ENTPD5: variants seen among roughly 807,000 people sequenced by gnomAD.
ENTPD5 encodes ectonucleoside triphosphate diphosphohydrolase 5 (inactive).
Under a neutral mutation model 60.2 loss-of-function variants are expected in ENTPD5, and 49 were observed. The ratio of observed to expected loss-of-function variants is 0.81; its 90% confidence interval spans 0.65 to 1.03. ENTPD5 has a LOEUF of 1.03. Among genes scored for constraint, ENTPD5 ranks in the 50% least tolerant of loss-of-function variants. ENTPD5 has a pLI of 0.00. For missense variants in ENTPD5, 480 were observed against 507.6 expected, an observed-to-expected ratio of 0.95 and a Z score of 0.52; for synonymous variants, 187 against 185.4, an observed-to-expected ratio of 1.01 and a Z score of -0.07.
downstream of ENTPD5, chr14:73,958,126 C>A: frequency 6.2e-7 from 1 of 1,607,460 alleles, no homozygotes; most frequent in South Asian, 1.1e-5. Flanking sequence ...AATTTTTTTT[C>A]CTCTCTTTTG....
At chr14:73,991,519 C>A (rs1010884007) in intron 3 of ENTPD5, among the ~76,000 whole-genome samples, 2 of 139,388 alleles carry the variant, frequency 1.4e-5, no homozygotes, top group South Asian at 5.0e-4. Context: ...ACCCGGGAGG[C>A]GGAGGCTGCA....
In ENTPD5 at chr14:73,976,431, C is replaced by G. The variant is rs1420345733; in HGVS notation, c.554-19G>C. On this transcript the variant is annotated intron_variant, in intron 8 of 15. Coordinates refer to ENST00000334696, the MANE Select transcript of ENTPD5 (RefSeq NM_001249.5). ...AGCTGACCTGTCAAATGAGAGCCAG[C>G]TCTAAATAGCCTCGACATCCTGGGC... is the stretch of plus-strand genomic sequence containing the variant. 1 of 1,605,548 alleles carries G rather than the reference C, an allele frequency of 6.2e-7. No individual in the cohort carries two copies. The highest frequency in any genetic ancestry group is 1.7e-5 in the Admixed American group (1 of 59,976).
intron 6 of ENTPD5, among the ~76,000 whole-genome samples, chr14:73,979,317 C>T (rs1238390860): frequency 6.6e-6 from 1 of 151,892 alleles, no homozygotes; most frequent in East Asian, 1.9e-4. Context: ...ACCTGCAGAA[C>T]CTAACATAAC....
At position 73,986,821 on chromosome 14, in the gene ENTPD5, G is replaced by C; in HGVS notation, c.290C>G (p.Pro97Arg). The C allele has an allele frequency of 6.2e-7, 1 of 1,612,896 alleles. No homozygotes were observed. Among genetic ancestry groups the C allele is most frequent in the South Asian group, 1.1e-5 (1 of 91,064 alleles). Residue 97 changes from proline (P) to arginine (R), a missense_variant, in exon 5 of 16, where the codon CCT becomes CGT. Physicochemically the swap from Pro to Arg is moderately radical, Grantham distance 103. Coordinates refer to ENST00000334696, the MANE Select transcript of ENTPD5 (RefSeq NM_001249.5). The stretch of plus-strand genomic sequence containing the variant: ...AAATCATAAGAAACTCACCTGCTTA[G>C]GTTGATCTACAAAAGCAGAAAGTCC... ...KPGLSAFVDQ[P>R]KQGAETVQGL...
intron 3 of ENTPD5, among the ~76,000 whole-genome samples, chr14:73,989,530 T>C (rs2058047480): frequency 6.6e-6 from 1 of 150,852 alleles, no homozygotes; most frequent in Non-Finnish European, 1.5e-5. Context: ...AAACCCTGTA[T>C]CTACTAAAAA....
downstream of ENTPD5, chr14:73,959,155 G>C: frequency 6.2e-7 from 1 of 1,614,150 alleles, no homozygotes; most frequent in Non-Finnish European, 8.5e-7. Context: ...TCTCCTCTCT[G>C]TTGCAGGCCA....
At chr14:73,957,685 C>T (rs1220839288), downstream of ENTPD5, among the ~76,000 whole-genome samples, 2 of 152,192 alleles carry the variant, frequency 1.3e-5, no homozygotes, top group Admixed American at 6.5e-5. Flanking sequence ...CTGCCTCAGC[C>T]TCCCTAAGTT....
chr14:74,001,203 A>G (rs1012586043), intron 3 of ENTPD5, among the ~76,000 whole-genome samples: 2 of 152,034 alleles, frequency 1.3e-5, no homozygotes, highest in Admixed American at 6.6e-5. Context: ...ACAAAATATT[A>G]AAAAATTAGC....
At chr14:73,961,853 T>G, downstream of ENTPD5, 1 of 1,614,208 alleles carries the variant, frequency 6.2e-7, no homozygotes, top group Non-Finnish European at 8.5e-7. Flanking sequence ...CCCGCTTGTG[T>G]TGCTCAGGAC....
chr14:74,018,341 T>C (rs897680296), intron 1 of ENTPD5: 10 of 152,162 alleles, frequency 6.6e-5, no homozygotes, highest in African/African-American at 2.4e-4. Flanking sequence ...GATTAAGTCC[T>C]CCCTAGAGAA....
At chr14:73,968,594 T>C (rs2057085853) in intron 15 of ENTPD5, among the ~76,000 whole-genome samples, 1 of 151,916 alleles carries the variant, frequency 6.6e-6, no homozygotes, top group Non-Finnish European at 1.5e-5. Context: ...CCCGGCTAAT[T>C]TTTGTATTTT....
At chr14:73,974,857 G>T in intron 11 of ENTPD5, 67 bp downstream of exon 11, 1 of 1,287,122 alleles carries the variant, frequency 7.8e-7, no homozygotes, top group Non-Finnish European at 1.1e-6. Context: ...ATCAAGGAAG[G>T]GAAGAAGCAA....
At chr14:73,993,921 C>CAA (rs144253560) in intron 3 of ENTPD5, among the ~76,000 whole-genome samples, 2,111 of 93,310 alleles carry the variant, frequency 0.023, 50 homozygotes, top group African/African-American at 0.063. Context: ...CACGAAAAAA[C>CAA]AAACAAAAAA....
chr14:74,003,876 C>T (rs987974686), intron 3 of ENTPD5, among the ~76,000 whole-genome samples: 17 of 151,818 alleles, frequency 1.1e-4, no homozygotes, highest in Admixed American at 1.1e-3. Context: ...GCAGGAGGAT[C>T]ACTGGAGCCC....
At chr14:73,959,918 C>A, downstream of ENTPD5, 1 of 1,171,420 alleles carries the variant, frequency 8.5e-7, no homozygotes, top group Non-Finnish European at 1.1e-6. Flanking sequence ...TCAGCTGTCC[C>A]TTTCTACTTT....
At chr14:73,971,100 G>C (rs186645903) in intron 14 of ENTPD5, among the ~76,000 whole-genome samples, 20 of 150,878 alleles carry the variant, frequency 1.3e-4, no homozygotes, top group Admixed American at 1.3e-3. Flanking sequence ...AAAAAAGAAA[G>C]CAAGAAATGT....
At chr14:73,955,649 T>C, downstream of ENTPD5, 2 of 1,373,958 alleles carry the variant, frequency 1.5e-6, no homozygotes, top group East Asian at 2.3e-5. Flanking sequence ...GGGAGAAGCA[T>C]TCCCAGGAGA....
At chr14:73,977,084 T>A in intron 7 of ENTPD5, 25 bp from the exon 8 acceptor site, 1 of 1,604,546 alleles carries the variant, frequency 6.2e-7, no homozygotes, top group Non-Finnish European at 8.5e-7. Flanking sequence ...AGACAAGGAT[T>A]AGATCCCAGA....
At chr14:73,960,405 T>C (rs1002407914), downstream of ENTPD5, 4 of 988,158 alleles carry the variant, frequency 4.0e-6, no homozygotes, top group African/African-American at 5.2e-5. Flanking sequence ...AGTATTACTT[T>C]TGGAGCCTAA....
Sources: allele counts gnomAD v4.1 joint callset (sites outside exome capture counted in the v4.1 genomes callset), GRCh38; gene constraint gnomAD v4.1.1; transcripts MANE v1.5; gene names NCBI Gene and HGNC (gene_info 2026-07-23, HGNC 2026-07-21).